The following SLC24A2 variants were observed in gnomAD, a reference collection of about 807,000 sequenced individuals.
SLC24A2 encodes the protein solute carrier family 24 member 2.
Under a neutral mutation model 62.0 loss-of-function variants are expected in SLC24A2, and 36 were observed. The observed-to-expected ratio is 0.58, with a 90% CI of 0.44 to 0.77. The LOEUF is 0.77. Ranked by LOEUF, SLC24A2 falls within the 30% of genes least tolerant of loss-of-function variation. The pLI, the probability that SLC24A2 is intolerant of heterozygous loss-of-function variation, is 0.00. For synonymous variants in SLC24A2, 358 were observed against 294.0 expected, an observed-to-expected ratio of 1.22 and a Z score of -2.23; for missense variants, 846 against 817.9, an observed-to-expected ratio of 1.03 and a Z score of -0.42.
At chr9:19,526,782 T>C (rs973055367) in intron 9 of SLC24A2, among the ~76,000 whole-genome samples, 1 of 152,182 alleles carries the variant, frequency 6.6e-6, no homozygotes, top group African/African-American at 2.4e-5. Context: ...AATATTTTCT[T>C]CCAGCCTGTG....
chr9:20,104,606 A>G, the SLC24A2 span, among the ~76,000 whole-genome samples: 10 of 152,338 alleles, frequency 6.6e-5, no homozygotes, highest in African/African-American at 2.2e-4. Context: ...ACTAAGCTTC[A>G]TAAGTGAAGG....
intron 7 of SLC24A2, among the ~76,000 whole-genome samples, chr9:19,557,188 G>C (rs975252898): frequency 2.8e-4 from 43 of 152,150 alleles, no homozygotes; most frequent in Admixed American, 2.7e-3. Context: ...TCTAAAAATA[G>C]ATATGAATGG....
the SLC24A2 span, among the ~76,000 whole-genome samples, chr9:19,839,683 T>C: frequency 6.6e-6 from 1 of 152,162 alleles, no homozygotes; most frequent in Non-Finnish European, 1.5e-5. Context: ...AATGAAAGTG[T>C]TCCCTTCAGG....
chr9:19,872,793 C>T, the SLC24A2 span, among the ~76,000 whole-genome samples: 1 of 152,118 alleles, frequency 6.6e-6, no homozygotes, highest in African/African-American at 2.4e-5. Flanking sequence ...TTTGGCAGTC[C>T]TGGGTCTTCT....
the SLC24A2 span, among the ~76,000 whole-genome samples, chr9:20,184,988 C>G: frequency 6.6e-6 from 1 of 152,058 alleles, no homozygotes; most frequent in East Asian, 1.9e-4. Context: ...TGAAATAAGT[C>G]AGGCACGGAA....
At chr9:20,042,174 C>A in the SLC24A2 span, among the ~76,000 whole-genome samples, 3 of 152,180 alleles carry the variant, frequency 2.0e-5, no homozygotes, top group African/African-American at 7.2e-5. Flanking sequence ...CTCCAACCTG[C>A]CATGAGTCCA....
chr9:19,562,758 G>C (rs1835467459), intron 7 of SLC24A2, among the ~76,000 whole-genome samples: 1 of 152,138 alleles, frequency 6.6e-6, no homozygotes, highest in Non-Finnish European at 1.5e-5. Flanking sequence ...TCTGACACTA[G>C]TGGATTTCTT....
chr9:20,290,029 C>G, the SLC24A2 span, among the ~76,000 whole-genome samples: 1 of 152,326 alleles, frequency 6.6e-6, no homozygotes, highest in African/African-American at 2.4e-5. Flanking sequence ...CCAACCCTGG[C>G]TGAGCTCTTG....
chr9:19,605,331 A>AT (rs1836955331), intron 4 of SLC24A2, among the ~76,000 whole-genome samples: 4 of 152,258 alleles, frequency 2.6e-5, no homozygotes, highest in South Asian at 4.1e-4. Flanking sequence ...CCCAGGTAGA[A>AT]TTTTTTTCAA....
At position 19,668,460 on chromosome 9, in the gene SLC24A2, T is replaced by C. The variant is rs77661814; in HGVS notation, c.931-46161A>G. Among the ~76,000 whole-genome samples the C allele has an allele frequency of 9.2e-3, 1,402 of 152,334 alleles. 65 individuals are homozygous for C. The South Asian group carries it at 0.13, about 14-fold the overall frequency. On this transcript the variant is annotated intron_variant, in intron 2 of 10. Coordinates refer to ENST00000341998, the MANE Select transcript of SLC24A2 (RefSeq NM_020344.4). ...TCAAATCGCAAAACATTTCCGTACC[T>C]GCATGCCTATGCTCAATCTTTGTTC...
chr9:19,827,150 A>C, the SLC24A2 span, among the ~76,000 whole-genome samples: 1 of 152,164 alleles, frequency 6.6e-6, no homozygotes, highest in Non-Finnish European at 1.5e-5. Context: ...ACACTAACAC[A>C]CACACAAGGC....
the SLC24A2 span, among the ~76,000 whole-genome samples, chr9:20,278,598 A>G: frequency 2.0e-5 from 3 of 152,138 alleles, no homozygotes; most frequent in Non-Finnish European, 2.9e-5. Context: ...CTCAGCCTGG[A>G]CTTTATTTTC....
chr9:19,908,963 C>T, the SLC24A2 span, among the ~76,000 whole-genome samples: 1 of 152,044 alleles, frequency 6.6e-6, no homozygotes, highest in Non-Finnish European at 1.5e-5. Context: ...ACCATGTGAC[C>T]CAGCCATCCC....
the SLC24A2 span, among the ~76,000 whole-genome samples, chr9:19,833,546 C>T: frequency 5.9e-5 from 9 of 152,318 alleles, no homozygotes; most frequent in East Asian, 9.7e-4. Context: ...CCCGCCATTG[C>T]GCAGGCTTGA....
At position 19,513,153 on chromosome 9, in the gene SLC24A2, G is replaced by GATAGATATATATAT. The variant is rs1554665663; in HGVS notation, c.*2999_*3000insATATATATATCTAT. On this transcript the variant is annotated 3_prime_UTR_variant, in exon 11 of 11. Transcript: ENST00000341998. ...TGTGTACATATAGATCTGGTATAAA[G>GATAGATATATATAT]ATATATATATATATATATATATGTA... 1.2e-5 allele frequency: 1 copy of GATAGATATATATAT among 80,592 alleles called. No homozygotes were observed. The highest frequency in any genetic ancestry group is 4.7e-5 in the African/African-American group (1 of 21,204). 5.0% of individuals were successfully genotyped at this position (80,592 alleles called of 1,614,324 possible).
the SLC24A2 span, among the ~76,000 whole-genome samples, chr9:20,152,801 A>T: frequency 4.6e-5 from 7 of 151,834 alleles, no homozygotes; most frequent in Non-Finnish European, 1.0e-4. Flanking sequence ...ACTCCTTTTG[A>T]AAGCTGGATT....
At chr9:19,939,378 T>C in the SLC24A2 span, among the ~76,000 whole-genome samples, 1 of 152,246 alleles carries the variant, frequency 6.6e-6, no homozygotes, top group Non-Finnish European at 1.5e-5. Context: ...GTACAGCATG[T>C]TACTGTAGGA....
the SLC24A2 span, among the ~76,000 whole-genome samples, chr9:19,954,253 G>A: frequency 6.6e-6 from 1 of 152,032 alleles, no homozygotes; most frequent in African/African-American, 2.4e-5. Flanking sequence ...GAGTCCTGGG[G>A]ATACCTCTAC....
intron 2 of SLC24A2, among the ~76,000 whole-genome samples, chr9:19,778,045 G>C (rs1290138962): frequency 6.6e-6 from 1 of 152,126 alleles, no homozygotes; most frequent in African/African-American, 2.4e-5. Context: ...TGATGGTCAG[G>C]CTGTATTAAA....
Sources: gnomAD v4.1 joint callset for allele counts (sites outside exome capture counted in the v4.1 genomes callset) on GRCh38, gnomAD v4.1.1 for gene constraint, MANE v1.5 for transcripts, NCBI Gene and HGNC (gene_info 2026-07-23, HGNC 2026-07-21) for gene names.